Variants in WIPF1 observed in about 807,000 individuals in gnomAD.
WIPF1 encodes WAS/WASL interacting protein family member 1.
Under a neutral mutation model 35.4 loss-of-function variants are expected in WIPF1, and 13 were observed. That is an observed-to-expected ratio of 0.37 (90% CI 0.24 to 0.58). The LOEUF (loss-of-function observed/expected upper bound fraction) is 0.58, where lower values mean the gene tolerates loss of function less well. Among genes scored for constraint, WIPF1 ranks in the 20% least tolerant of loss-of-function variants. The pLI, the probability that WIPF1 is intolerant of heterozygous loss-of-function variation, is 0.74. For missense variants in WIPF1, 591 were observed against 667.0 expected, an observed-to-expected ratio of 0.89 and a Z score of 1.25; for synonymous variants, 267 against 266.3, an observed-to-expected ratio of 1.00 and a Z score of -0.02.
At chr2:174,676,116 T>C (rs1688125383) in intron 1 of WIPF1, among the ~76,000 whole-genome samples, 1 of 150,900 alleles carries the variant, frequency 6.6e-6, no homozygotes, top group South Asian at 2.1e-4. Flanking sequence ...TGCCTGGCTT[T>C]TTTTTTTTTC....
At chr2:174,620,694 A>ACG (rs1686646638) in intron 1 of WIPF1, among the ~76,000 whole-genome samples, 1 of 152,190 alleles carries the variant, frequency 6.6e-6, no homozygotes, top group Non-Finnish European at 1.5e-5. Flanking sequence ...CAAGGTAAGA[A>ACG]AAGAGGGATT....
rs1488608141 is a variant in WIPF1, at chr2:174,681,502, CA to C, written c.-39+1271del. ...TTTCTTGGAGTTATTTTATCCATTACAAAAATAAGCATTTTTGAAGATGGAA... is the reference window on the plus strand; with the variant it reads ...TTTCTTGGAGTTATTTTATCCATTACAAAATAAGCATTTTTGAAGATGGAA... On this transcript the variant is annotated intron_variant, in intron 1 of 8. Coordinates refer to the WIPF1 transcript ENST00000272746. Among the ~76,000 whole-genome samples the C allele has an allele frequency of 2.0e-5, 3 of 152,290 alleles. No individual in the cohort carries two copies. The South Asian group carries it at 6.2e-4, about 32-fold the overall frequency.
At position 174,571,852 on chromosome 2, in the gene WIPF1, G is replaced by A. The variant is rs1343750726; in HGVS notation, c.953C>T (p.Pro318Leu). 5 of 1,614,076 alleles carry A rather than the reference G, an allele frequency of 3.1e-6. No individual in the cohort carries two copies. The highest frequency in any genetic ancestry group is 4.2e-6 in the Non-Finnish European group (5 of 1,179,994). ...PPPPPPSRPG[P>L]PPLPPSSSGN... ...GCTGGAACTTGGAGGCAGAGGAGGC[G>A]GCCCGGGCCTGCTGGGAGGTGGCGG... The change falls in exon 5 of 8, where the codon CCG becomes CTG. Residue 318 changes from proline (P) to leucine (L), a missense_variant. Pro to Leu is a moderately conservative substitution (Grantham distance 98). This residue lies in a region of WIPF1 where 471 missense variants were observed against 501.1 expected (regional missense o/e 0.94). Coordinates refer to ENST00000679041, the MANE Select transcript of WIPF1 (RefSeq NM_001375834.1). This position sits in a 1 kb window ranked among gnomAD's most constrained non-coding sequence, Gnocchi z 4.6.
chr2:174,588,472 C>A (rs920342832), intron 1 of WIPF1, among the ~76,000 whole-genome samples: 2 of 152,166 alleles, frequency 1.3e-5, no homozygotes, highest in East Asian at 3.9e-4. Context: ...GCTTAGGGGG[C>A]AGACTGTGGA....
rs147080148 is a variant in WIPF1 at position 174,571,827 on chromosome 2, G to C, written c.978C>G (p.Ser326Arg). ...GGAGTCTTGGGGTTTCGTCATTGCCGCTGGAACTTGGAGGCAGAGGAGGCG... is the reference window on the plus strand; with the variant it reads ...GGAGTCTTGGGGTTTCGTCATTGCCCCTGGAACTTGGAGGCAGAGGAGGCG... ...PGPPPLPPSSSGNDETPRLPQ... is the reference protein window; with the variant it reads ...PGPPPLPPSSRGNDETPRLPQ... Residue 326 changes from serine to arginine, a missense_variant, in exon 5 of 8, where the codon AGC (serine) becomes AGG (arginine). Around this residue, in one of 3 missense-constraint regions of WIPF1, gnomAD observed 471 missense variants for 501.1 expected, o/e 0.94. Coordinates refer to ENST00000679041, the MANE Select transcript of WIPF1 (RefSeq NM_001375834.1). This position sits in a 1 kb window ranked among gnomAD's most constrained non-coding sequence, Gnocchi z 4.6. 1.3e-4 allele frequency: 203 copies of C among 1,614,190 alleles called. No homozygotes were observed. The African/African-American group carries it at 2.3e-3, about 19-fold the overall frequency.
chr2:174,561,840 T>G lies in WIPF1; in HGVS notation c.*707A>C, dbSNP rs1684492839. ...AAAATGTGACTAGTCTGAATGGAGA[T>G]GTGCGGTAAGTGTAAAATACACTCT... On this transcript the variant is annotated 3_prime_UTR_variant, in exon 8 of 8. Transcript: ENST00000679041. 2.2e-6 allele frequency: 1 copy of G among 461,776 alleles called. No homozygotes were observed. Among genetic ancestry groups the G allele is most frequent in the Non-Finnish European group, 3.8e-6 (1 of 260,336 alleles). The allele number at this position is 461,776 out of a possible 1,614,324, so 28.6% of individuals were successfully genotyped here. A position where few individuals can be genotyped will look rare whatever the true frequency, so the allele number is the denominator to read the frequency against.
At chr2:174,623,045 A>C (rs938354169) in intron 1 of WIPF1, among the ~76,000 whole-genome samples, 2 of 152,254 alleles carry the variant, frequency 1.3e-5, no homozygotes, top group Admixed American at 1.3e-4. Flanking sequence ...TTTAAAACAA[A>C]TGTGTTATAT....
At chr2:174,569,773 G>A (rs1252667182) in intron 5 of WIPF1, among the ~76,000 whole-genome samples, 3 of 152,184 alleles carry the variant, frequency 2.0e-5, no homozygotes, top group Non-Finnish European at 2.9e-5. Flanking sequence ...CAGAGGTTTT[G>A]GAAGCTTGAA....
rs766726394 is a variant in WIPF1 at position 174,575,272 on chromosome 2, G to A, written c.290C>T (p.Pro97Leu). The change falls in exon 4 of 8, where the codon CCT becomes CTT. Residue 97 changes from proline to leucine, a missense_variant. Physicochemically the swap from Pro to Leu is moderately conservative, Grantham distance 98. Coordinates refer to ENST00000679041, the MANE Select transcript of WIPF1 (RefSeq NM_001375834.1). ...GGGGSFGGGGPPGLGGLFQAG... is the reference protein window; with the variant it reads ...GGGGSFGGGGLPGLGGLFQAG... ...CTGGAACAATCCTCCCAGACCTGGAGGTCCGCCCCCTCCAAAACTTCCACC... is the reference window on the plus strand; with the variant it reads ...CTGGAACAATCCTCCCAGACCTGGAAGTCCGCCCCCTCCAAAACTTCCACC... The A allele has an allele frequency of 6.2e-7, 1 of 1,613,890 alleles. No homozygotes were observed. The highest frequency in any genetic ancestry group is 1.3e-5 in the African/African-American group (1 of 74,984).
intron 1 of WIPF1, among the ~76,000 whole-genome samples, chr2:174,647,680 A>G (rs1365083109): frequency 6.6e-6 from 1 of 151,262 alleles, no homozygotes; most frequent in Non-Finnish European, 1.5e-5. Context: ...AAAACGGCAT[A>G]TGAATTACAT....
chr2:174,598,421 C>T (rs1255690571), upstream of WIPF1, among the ~76,000 whole-genome samples: 2 of 152,138 alleles, frequency 1.3e-5, no homozygotes, highest in African/African-American at 4.8e-5. Context: ...GAGCAATCCT[C>T]CAGCCTCAGC....
At chr2:174,616,831 A>G (rs1686520639) in intron 1 of WIPF1, among the ~76,000 whole-genome samples, 1 of 152,140 alleles carries the variant, frequency 6.6e-6, no homozygotes. Flanking sequence ...TTTGTCAGTA[A>G]TGGTCTTTAA....
intron 1 of WIPF1, among the ~76,000 whole-genome samples, chr2:174,643,539 A>G (rs1480353976): frequency 6.7e-6 from 1 of 148,394 alleles, no homozygotes; most frequent in Non-Finnish European, 1.5e-5. Flanking sequence ...CAGCCTCCCA[A>G]GTAGCTGGAA....
chr2:174,644,635 G>A (rs1264816785), intron 1 of WIPF1, among the ~76,000 whole-genome samples: 1 of 152,176 alleles, frequency 6.6e-6, no homozygotes, highest in Non-Finnish European at 1.5e-5. Flanking sequence ...CTCTCAGGGT[G>A]GGTTTCCTAC....
rs149644464 is a variant in WIPF1 at position 174,627,334 on chromosome 2, C to A, written c.-38-41723G>T. Among the ~76,000 whole-genome samples the A allele has an allele frequency of 2.4e-4, 37 of 152,180 alleles. 1 individual carries two copies. The East Asian group carries it at 6.4e-3, about 26-fold the overall frequency. ...ATCTGAATTAAGGGAAAATGCCAAA[C>A]AAGAAAAACAAAGAGAAAAAACTTT... On this transcript the variant is annotated intron_variant, in intron 1 of 8. Transcript: ENST00000272746.
chr2:174,664,987 CATT>C (rs1025075891), intron 1 of WIPF1, among the ~76,000 whole-genome samples: 15 of 152,198 alleles, frequency 9.9e-5, no homozygotes, highest in Admixed American at 4.6e-4. Context: ...GTTTTATTAA[CATT>C]AATAATATTA....
At chr2:174,631,186 A>C (rs1225985433) in intron 1 of WIPF1, among the ~76,000 whole-genome samples, 1 of 152,224 alleles carries the variant, frequency 6.6e-6, no homozygotes, top group African/African-American at 2.4e-5. Flanking sequence ...TAGCAGCATT[A>C]GTCACAACAG....
chr2:174,566,826 T>G, intron 7 of WIPF1: 1 of 409,184 alleles, frequency 2.4e-6, no homozygotes, highest in Non-Finnish European at 4.4e-6. Flanking sequence ...ATAATAAAAT[T>G]TAATACTAGC....
chr2:174,564,106 G>A (rs1022557572), intron 7 of WIPF1, among the ~76,000 whole-genome samples: 9 of 152,182 alleles, frequency 5.9e-5, no homozygotes, highest in African/African-American at 1.7e-4. Context: ...AAGTGCATTC[G>A]GTACTGCTCA....
Sources: gnomAD v4.1 joint callset for allele counts (sites outside exome capture counted in the v4.1 genomes callset) on GRCh38, gnomAD v4.1.1 for gene constraint, gnomAD v4.1.1 regional missense constraint, Gnocchi (gnomAD v3.1) non-coding constraint, MANE v1.5 for transcripts, NCBI Gene and HGNC (gene_info 2026-07-23, HGNC 2026-07-21) for gene names.